Variants in PCDHA10 observed in about 807,000 individuals in gnomAD.
The protein encoded by PCDHA10 is protocadherin alpha-10.
In PCDHA10, 45 loss-of-function variants were observed where a neutral mutation model predicts 61.2. That is an observed-to-expected ratio of 0.74 (90% CI 0.58 to 0.94). The LOEUF (loss-of-function observed/expected upper bound fraction) is 0.94, where lower values mean the gene tolerates loss of function less well. Ranked by LOEUF, PCDHA10 falls within the 40% of genes least tolerant of loss-of-function variation. The probability of loss-of-function intolerance (pLI) is 0.00; values close to 1 mark genes in which losing one functional copy is unlikely to be tolerated. For missense variants in PCDHA10, 1,278 were observed against 1,236.2 expected (o/e 1.03, Z -0.51); for synonymous variants, 602 against 548.8 (o/e 1.10, Z -1.35).
At chr5:140,882,062 T>G (rs78484684) in intron 1 of PCDHA10, 9 of 812,456 alleles carry the variant, frequency 1.1e-5, no homozygotes, top group Non-Finnish European at 1.5e-5. Flanking sequence ...CACTTACACG[T>G]TCATGCGCAT....
chr5:140,967,415 C>T, intron 1 of PCDHA10: 1 of 1,613,142 alleles, frequency 6.2e-7, no homozygotes, highest in African/African-American at 1.3e-5. Flanking sequence ...GGGCCTAGAC[C>T]GGGAGCAGGC....
intron 1 of PCDHA10, among the ~76,000 whole-genome samples, chr5:140,899,481 G>T (rs2153464125): frequency 6.6e-6 from 1 of 152,230 alleles, no homozygotes; most frequent in East Asian, 1.9e-4. Flanking sequence ...CTGTTTATAT[G>T]CTGGATTACA....
Position 140,898,113 on chromosome 5 carries a change from C to G in PCDHA10, c.2388+39677C>G, listed in dbSNP as rs369408845. 3.9e-5 allele frequency among the ~76,000 whole-genome samples: 6 copies of G among 151,952 alleles called. No individual in the cohort carries two copies. The East Asian group carries it at 1.2e-3, about 29-fold the overall frequency. ...AGCCCTTTGTCAGATGAGTAGGTTG[C>G]GAAAATTTTCTCCCATTTTGTAGGT... On this transcript the variant is annotated intron_variant, in intron 1 of 3. Coordinates refer to ENST00000307360, the MANE Select transcript of PCDHA10 (RefSeq NM_018901.4).
intron 1 of PCDHA10, chr5:140,859,594 C>G (rs2045925164): frequency 6.1e-6 from 1 of 164,452 alleles, no homozygotes; most frequent in Non-Finnish European, 1.3e-5. Context: ...TGGCTCTTAG[C>G]AATTACTTTT....
At chr5:140,938,002 G>A (rs1396127552) in intron 1 of PCDHA10, among the ~76,000 whole-genome samples, 1 of 151,938 alleles carries the variant, frequency 6.6e-6, no homozygotes, top group Non-Finnish European at 1.5e-5. Context: ...TGTATCCAAT[G>A]TTCTTGCTAA....
Position 140,857,365 on chromosome 5 carries a change from C to G in PCDHA10, c.1317C>G (p.Ser439Arg), listed in dbSNP as rs251362. 847,286 of 1,597,488 alleles carry G rather than the reference C, an allele frequency of 0.53. 260,121 individuals are homozygous for G. Among genetic ancestry groups the G allele is most frequent in the South Asian group, 0.6 (54,423 of 90,502 alleles). ...CGCCTCCGCTGTGGGCCACGGCCAGCGTGTCTGTGGAGGTGGCCGACGTGA... is the reference window on the plus strand; with the variant it reads ...CGCCTCCGCTGTGGGCCACGGCCAGGGTGTCTGTGGAGGTGGCCGACGTGA... ...GGSPPLWATASVSVEVADVND... is the reference protein window; with the variant it reads ...GGSPPLWATARVSVEVADVND... The change falls in exon 1 of 4, where the codon AGC becomes AGG. Residue 439 changes from serine to arginine, a missense_variant. Physicochemically the swap from Ser to Arg is moderately radical, Grantham distance 110. Transcript: ENST00000307360.
chr5:140,984,505 TGATGCATGAGTCACA>T (rs2097106604), intron 3 of PCDHA10, among the ~76,000 whole-genome samples: 1 of 152,206 alleles, frequency 6.6e-6, no homozygotes, highest in African/African-American at 2.4e-5. Context: ...GCCTGGCTGC[TGATGCATGAGTCACA>T]GTCTTCATGG....
intron 1 of PCDHA10, among the ~76,000 whole-genome samples, chr5:140,917,270 T>C (rs782142831): frequency 2.6e-5 from 4 of 151,228 alleles, no homozygotes; most frequent in Admixed American, 6.6e-5. Context: ...GTTTGGTTTT[T>C]GTAATGACGC....
At position 140,857,802 on chromosome 5, in the gene PCDHA10, T is replaced by G. The variant is rs251364; in HGVS notation, c.1754T>G (p.Val585Gly). 998,681 of 1,596,370 alleles carry G rather than the reference T, an allele frequency of 0.63. 345,026 individuals carry two copies. Among genetic ancestry groups the G allele is most frequent in the African/African-American group, 0.69 (51,285 of 74,166 alleles). Residue 585 changes from valine (V) to glycine (G), a missense_variant, in exon 1 of 4, where the codon GTT (valine) becomes GGT (glycine). Val to Gly is a moderately radical substitution (Grantham distance 109, BLOSUM62 -3). Transcript: ENST00000307360. ...AVSELVLRSV[V>G]AGHVVAKVRA... is the part of the protein sequence containing the mutation. ...AGTGAGCTGGTGCTGCGGTCGGTGG[T>G]TGCGGGTCACGTGGTGGCTAAGGTG... is the stretch of plus-strand genomic sequence containing the variant.
At chr5:140,871,564 C>A (rs782409405) in intron 1 of PCDHA10, 7 of 1,482,594 alleles carry the variant, frequency 4.7e-6, no homozygotes, top group Non-Finnish European at 6.3e-6. Context: ...TTTTTTTTCA[C>A]GGATTTTTTA....
Position 140,856,096 on chromosome 5 carries a change from G to C in PCDHA10, c.48G>C (p.Ser16=), listed in dbSNP as rs1031755500. The C allele has an allele frequency of 1.1e-5, 17 of 1,597,460 alleles. 1 individual carries two copies. The Admixed American group carries it at 2.5e-4, about 24-fold the overall frequency. The change falls in exon 1 of 4, where the codon TCG becomes TCC. Residue 16 remains serine, a synonymous_variant. Coordinates refer to ENST00000307360, the MANE Select transcript of PCDHA10 (RefSeq NM_018901.4). Reference sequence around the variant, plus strand: ...TGGGGGTCCAGTGTCTGCTGCTCTCGCTTCTTCTCCTCGCAGCCTGGGAGG... The same window carrying C: ...TGGGGGTCCAGTGTCTGCTGCTCTCCCTTCTTCTCCTCGCAGCCTGGGAGG... ...SCLGVQCLLL[S]LLLLAAWEVG...
intron 1 of PCDHA10, chr5:140,871,675 T>C (rs1474564343): frequency 8.8e-7 from 1 of 1,142,376 alleles, no homozygotes; most frequent in African/African-American, 1.6e-5. Flanking sequence ...CTTTTAATCA[T>C]ATGAATAATC....
At chr5:140,973,628 T>G (rs1005772685) in intron 1 of PCDHA10, among the ~76,000 whole-genome samples, 13 of 152,250 alleles carry the variant, frequency 8.5e-5, no homozygotes, top group Admixed American at 2.6e-4. Context: ...TTCTGTATCT[T>G]GTACACATTC....
At chr5:140,929,294 G>A in intron 1 of PCDHA10, 1 of 1,594,058 alleles carries the variant, frequency 6.3e-7, no homozygotes, top group Non-Finnish European at 8.6e-7. Flanking sequence ...ATTCGGAATA[G>A]GAAAGGGGAT....
intron 1 of PCDHA10, chr5:140,863,388 C>T: frequency 1.0e-6 from 1 of 1,000,142 alleles, no homozygotes; most frequent in Non-Finnish European, 1.5e-6. Context: ...AGAGCTCGTG[C>T]ATGCCGGGCA....
At chr5:140,969,584 G>C in intron 1 of PCDHA10, 1 of 907,936 alleles carries the variant, frequency 1.1e-6, no homozygotes, top group Non-Finnish European at 1.6e-6. Context: ...GTGAGGATTA[G>C]TCTTAATATT....
At chr5:140,969,578 G>A (rs2096343344) in intron 1 of PCDHA10, 2 of 957,378 alleles carry the variant, frequency 2.1e-6, no homozygotes, top group Admixed American at 5.9e-5. Context: ...TGAGAAGTGA[G>A]GATTAGTCTT....
chr5:140,876,236 T>C (rs782328225), intron 1 of PCDHA10: 24 of 1,613,974 alleles, frequency 1.5e-5, no homozygotes, highest in Non-Finnish European at 1.4e-5. Flanking sequence ...TCTGAAAATG[T>C]CCAAAACGAC....
intron 1 of PCDHA10, among the ~76,000 whole-genome samples, chr5:140,914,069 A>G (rs1042316751): frequency 2.8e-4 from 43 of 152,216 alleles, no homozygotes; most frequent in Non-Finnish European, 5.6e-4. Context: ...GAAATGCTCC[A>G]TAACTATCTA....
Sources: allele counts gnomAD v4.1 joint callset (sites outside exome capture counted in the v4.1 genomes callset), GRCh38; gene constraint gnomAD v4.1.1; transcripts MANE v1.5; gene names NCBI Gene and HGNC (gene_info 2026-07-23, HGNC 2026-07-21).